Variants in SLC35F3 observed in about 807,000 individuals in gnomAD.
SLC35F3 encodes the protein solute carrier family 35 member F3.
In SLC35F3, 25 loss-of-function variants were observed where a neutral mutation model predicts 49.9. The observed-to-expected ratio is 0.50, with a 90% CI of 0.37 to 0.70. The LOEUF (loss-of-function observed/expected upper bound fraction) is 0.70, where lower values mean the gene tolerates loss of function less well. SLC35F3 is among the 30% of genes least tolerant of loss of function. The pLI is 0.00. For missense variants in SLC35F3, 525 were observed against 639.8 expected, an observed-to-expected ratio of 0.82 and a Z score of 1.94; for synonymous variants, 275 against 265.4, an observed-to-expected ratio of 1.04 and a Z score of -0.35.
In SLC35F3 at chr1:234,146,479, C is replaced by CTCT. The variant is rs1572069182; in HGVS notation, c.284-84936_284-84934dup. Among the ~76,000 whole-genome samples, 5 of 91,674 alleles carry CTCT rather than the reference C, an allele frequency of 5.5e-5. No individual in the cohort carries two copies. In the East Asian group the frequency reaches 6.1e-3, roughly 113 times the overall value. The allele number at this position is 91,674 out of a possible 152,430, so 60.1% of individuals were successfully genotyped here. A position where few individuals can be genotyped will look rare whatever the true frequency, so the allele number is the denominator to read the frequency against. On this transcript the variant is annotated intron_variant, in intron 2 of 7. Coordinates refer to ENST00000366618, the MANE Select transcript of SLC35F3 (RefSeq NM_173508.4). ...AAAATAAAAGTTACCAAGATATTTG[C>CTCT]TCTTTTTTTTTTTTTTTTTTTTTTT... is the stretch of plus-strand genomic sequence containing the variant.
At chr1:234,163,981 A>G (rs780917209) in intron 2 of SLC35F3, among the ~76,000 whole-genome samples, 4 of 149,844 alleles carry the variant, frequency 2.7e-5, no homozygotes, top group Non-Finnish European at 5.9e-5. Flanking sequence ...AATAAAATAG[A>G]AGAAAAAAAT....
rs187403995 is a variant in SLC35F3, at chr1:234,220,483, G to A, written c.284-10934G>A. ...CGGTAGTAATATTTGCTTCCTCCTC[G>A]CCATGAGCCCTTGACCTGGGTTGCC... On this transcript the variant is annotated intron_variant, in intron 2 of 7. Coordinates refer to ENST00000366618, the MANE Select transcript of SLC35F3 (RefSeq NM_173508.4). Among the ~76,000 whole-genome samples the A allele has an allele frequency of 1.1e-4, 17 of 152,274 alleles. No individual in the cohort carries two copies. The South Asian group carries it at 1.5e-3, about 13-fold the overall frequency.
rs185674644 is a variant in SLC35F3, at chr1:234,208,367, C to T, written c.284-23050C>T. On this transcript the variant is annotated intron_variant, in intron 2 of 7. Transcript: ENST00000366618. ...TACATGTGAACCAGTCCAAGTAGGG[C>T]AACAAGAGGCTATTTGTACAACCCA... is the stretch of plus-strand genomic sequence containing the variant. Among the ~76,000 whole-genome samples, 13 of 152,288 alleles carry T rather than the reference C, an allele frequency of 8.5e-5. No individual in the cohort carries two copies. In the East Asian group the frequency reaches 2.1e-3, roughly 25 times the overall value.
At chr1:234,143,305 T>TTTG (rs1383041073) in intron 2 of SLC35F3, among the ~76,000 whole-genome samples, 1 of 149,496 alleles carries the variant, frequency 6.7e-6, no homozygotes, top group African/African-American at 2.5e-5. Flanking sequence ...TTTTTTTTTT[T>TTTG]GAGATAAAGG....
chr1:234,278,764 C>T (rs1379835160), intron 3 of SLC35F3, among the ~76,000 whole-genome samples: 1 of 151,136 alleles, frequency 6.6e-6, no homozygotes, highest in Admixed American at 6.6e-5. Context: ...TCTTGTTGTA[C>T]CCTTATGAGG....
intron 7 of SLC35F3, 125 bp from the exon 8 acceptor site, chr1:234,322,883 T>C (rs1657659694): frequency 2.6e-6 from 2 of 758,806 alleles, no homozygotes; most frequent in East Asian, 2.7e-5. Context: ...CTGAGGAGAA[T>C]CCTGTGGTCC....
At chr1:234,294,786 A>G (rs1390174551) in intron 3 of SLC35F3, among the ~76,000 whole-genome samples, 1 of 152,188 alleles carries the variant, frequency 6.6e-6, no homozygotes, top group Non-Finnish European at 1.5e-5. Flanking sequence ...TCCTTCTTCC[A>G]GGAAGAGATC....
At chr1:234,068,474 C>T (rs1381101842) in intron 2 of SLC35F3, among the ~76,000 whole-genome samples, 3 of 152,120 alleles carry the variant, frequency 2.0e-5, no homozygotes, top group South Asian at 4.2e-4. Flanking sequence ...AGAAGCAGCT[C>T]AGCCTCCCAA....
At chr1:234,168,299 G>A (rs993865267) in intron 2 of SLC35F3, among the ~76,000 whole-genome samples, 19 of 152,202 alleles carry the variant, frequency 1.2e-4, no homozygotes, top group African/African-American at 4.3e-4. Flanking sequence ...TGTGATGGCC[G>A]GGGTACTCCC....
chr1:234,120,355 T>G (rs1572059361), intron 2 of SLC35F3, among the ~76,000 whole-genome samples: 1 of 152,372 alleles, frequency 6.6e-6, no homozygotes, highest in East Asian at 1.9e-4. Context: ...TTTATTGTTC[T>G]GGGAATAATA....
rs959466658 is a variant in SLC35F3 at position 234,145,101 on chromosome 1, A to C, written c.284-86316A>C. 2.0e-5 allele frequency among the ~76,000 whole-genome samples: 3 copies of C among 152,228 alleles called. No individual in the cohort carries two copies. In the East Asian group the frequency reaches 5.8e-4, roughly 29 times the overall value. ...GCAAGGCTCAGGACTAACTTTCATCACAGCAGCCCTGAGGGTTTTCACTGT... is the reference window on the plus strand; with the variant it reads ...GCAAGGCTCAGGACTAACTTTCATCCCAGCAGCCCTGAGGGTTTTCACTGT... On this transcript the variant is annotated intron_variant, in intron 2 of 7. Transcript: ENST00000366618.
chr1:234,011,122 G>T (rs2102837592), intron 2 of SLC35F3, among the ~76,000 whole-genome samples: 1 of 152,088 alleles, frequency 6.6e-6, no homozygotes, highest in East Asian at 1.9e-4. Flanking sequence ...ATTAAATACT[G>T]AAATAAATGT....
chr1:233,933,888 A>T (rs907483208), intron 2 of SLC35F3, among the ~76,000 whole-genome samples: 2 of 152,168 alleles, frequency 1.3e-5, no homozygotes, highest in African/African-American at 2.4e-5. Context: ...AGAGGAAGAA[A>T]AGGAGAGTGT....
intron 2 of SLC35F3, among the ~76,000 whole-genome samples, chr1:234,225,905 T>C (rs930832169): frequency 6.6e-6 from 1 of 152,176 alleles, no homozygotes; most frequent in Non-Finnish European, 1.5e-5. Context: ...AAAGACATGA[T>C]GTTAAATGAA....
intron 2 of SLC35F3, among the ~76,000 whole-genome samples, chr1:234,089,660 C>G (rs1665011696): frequency 6.6e-6 from 1 of 152,108 alleles, no homozygotes; most frequent in Non-Finnish European, 1.5e-5. Context: ...ATGCACAGGG[C>G]TTTTTAGAAG....
chr1:234,097,618 T>C (rs1013149671), intron 2 of SLC35F3, among the ~76,000 whole-genome samples: 4 of 152,264 alleles, frequency 2.6e-5, no homozygotes, highest in Non-Finnish European at 4.4e-5. Flanking sequence ...GCCTCCCTCA[T>C]CTGGGGGAGA....
chr1:234,050,498 C>CT (rs1344918830), intron 2 of SLC35F3, among the ~76,000 whole-genome samples: 29 of 151,956 alleles, frequency 1.9e-4, no homozygotes, highest in African/African-American at 6.0e-4. Context: ...TGATTTTTTC[C>CT]TATAAATTTG....
intron 2 of SLC35F3, among the ~76,000 whole-genome samples, chr1:233,916,430 G>T (rs1255137676): frequency 6.6e-6 from 1 of 152,008 alleles, no homozygotes; most frequent in African/African-American, 2.4e-5. Flanking sequence ...ACCACATCTG[G>T]CTAACTTTTT....
Position 234,320,137 on chromosome 1 carries a change from A to T in SLC35F3, c.1187A>T (p.Tyr396Phe), listed in dbSNP as rs1455422959. The change falls in exon 7 of 8, where the codon TAT (tyrosine) becomes TTT (phenylalanine). Residue 396 changes from tyrosine to phenylalanine, a missense_variant. This residue lies in a region of SLC35F3 where 5 missense variants were observed against 27.2 expected (regional missense o/e 0.18). Coordinates refer to ENST00000366618, the MANE Select transcript of SLC35F3 (RefSeq NM_173508.4). The surrounding 1 kb of genome is among the most constrained non-coding windows in gnomAD (Gnocchi z 4.8). The stretch of plus-strand genomic sequence containing the variant: ...TTAAATTTTGGAATTGCCGTTACAT[A>T]TCCCACTCTGATGTCTCTTGGAATC... ...IVLNFGIAVT[Y>F]PTLMSLGIVL... 1 of 1,613,812 alleles carries T rather than the reference A, an allele frequency of 6.2e-7. No homozygotes were observed. Among genetic ancestry groups the T allele is most frequent in the African/African-American group, 1.3e-5 (1 of 74,920 alleles).
Sources: gnomAD v4.1 joint callset for allele counts (sites outside exome capture counted in the v4.1 genomes callset) on GRCh38, gnomAD v4.1.1 for gene constraint, gnomAD v4.1.1 regional missense constraint, Gnocchi (gnomAD v3.1) non-coding constraint, MANE v1.5 for transcripts, NCBI Gene and HGNC (gene_info 2026-07-23, HGNC 2026-07-21) for gene names.